The following SMARCA2 variants were observed in gnomAD, a reference collection of about 807,000 sequenced individuals.
The protein encoded by SMARCA2 is SWI/SNF related BAF chromatin remodeling complex subunit ATPase 2.
SMARCA2 carries 61 observed loss-of-function variants against 199.8 expected under a neutral mutation model. That is an observed-to-expected ratio of 0.31 (90% CI 0.25 to 0.38). The LOEUF is 0.38. Among genes scored for constraint, SMARCA2 ranks in the 10% least tolerant of loss-of-function variants. SMARCA2 has a pLI of 1.00. For missense variants in SMARCA2, 1,344 were observed against 2,012.2 expected (o/e 0.67, Z 6.35); for synonymous variants, 935 against 732.0 (o/e 1.28, Z -4.48).
intron 5 of SMARCA2, 67 bp downstream of exon 5, chr9:2,047,551 G>T: frequency 1.6e-6 from 2 of 1,231,356 alleles, no homozygotes; most frequent in Non-Finnish European, 2.1e-6. Context: ...GCCGAGGGGG[G>T]TGAGGCGCCT....
intron 23 of SMARCA2, among the ~76,000 whole-genome samples, chr9:2,107,913 A>T (rs1822832148): frequency 6.6e-6 from 1 of 152,200 alleles, no homozygotes; most frequent in Non-Finnish European, 1.5e-5. Flanking sequence ...TAAAGATGGA[A>T]GAACAGCCCT....
intron 22 of SMARCA2, among the ~76,000 whole-genome samples, chr9:2,103,074 G>A (rs1400612306): frequency 1.3e-5 from 2 of 150,644 alleles, no homozygotes; most frequent in South Asian, 2.1e-4. Context: ...CAGTGCCCCC[G>A]TTCTTCACCT....
At chr9:2,149,930 A>G (rs1395185435) in intron 27 of SMARCA2, among the ~76,000 whole-genome samples, 1 of 151,568 alleles carries the variant, frequency 6.6e-6, no homozygotes, top group African/African-American at 2.4e-5. Context: ...TACAGACTAG[A>G]TCTGAAATGA....
chr9:2,089,415 C>G (rs1199297489), intron 19 of SMARCA2, among the ~76,000 whole-genome samples: 1 of 151,988 alleles, frequency 6.6e-6, no homozygotes, highest in African/African-American at 2.4e-5. Context: ...TTAGAAGAGC[C>G]AATTCTGAAA....
At chr9:2,087,759 C>T (rs936711175) in intron 18 of SMARCA2, among the ~76,000 whole-genome samples, 6 of 152,138 alleles carry the variant, frequency 3.9e-5, no homozygotes, top group African/African-American at 1.4e-4. Flanking sequence ...AATGAAAAGC[C>T]ACTAAAAATG....
chr9:2,161,846 C>A lies in SMARCA2; in HGVS notation c.4142C>A (p.Pro1381His). 2 of 1,614,092 alleles carry A rather than the reference C, an allele frequency of 1.2e-6. No homozygotes were observed. Among genetic ancestry groups the A allele is most frequent in the Non-Finnish European group, 1.7e-6 (2 of 1,179,974 alleles). The change falls in exon 28 of 34, where the codon CCC becomes CAC. Residue 1381 changes from proline to histidine, a missense_variant. By Grantham distance (77) the Pro-to-His change is moderately conservative. This residue lies in a region of SMARCA2 where 151 missense variants were observed against 154.0 expected (regional missense o/e 0.98). Transcript: ENST00000349721. The surrounding 1 kb of genome is among the most constrained non-coding windows in gnomAD (Gnocchi z 4.7). ...PPAEKLSPNP[P>H]KLTKQMNAII... is the part of the protein sequence containing the mutation. The stretch of plus-strand genomic sequence containing the variant: ...GCTGAGAAACTGTCACCAAATCCCC[C>A]CAAACTGACAAAGCAGATGAACGCT...
chr9:2,162,326 T>C (rs1021822896), intron 28 of SMARCA2, among the ~76,000 whole-genome samples: 2 of 152,194 alleles, frequency 1.3e-5, no homozygotes, highest in East Asian at 1.9e-4. Flanking sequence ...TAAAGCAAAA[T>C]AGATGCTTCA....
chr9:2,058,196 A>C, intron 7 of SMARCA2, 95 bp from the exon 8 acceptor site: 1 of 1,064,772 alleles, frequency 9.4e-7, no homozygotes, highest in South Asian at 1.4e-5. Context: ...GCTGTTAAAC[A>C]CACACTGAGA....
intron 27 of SMARCA2, chr9:2,158,756 A>G: frequency 2.2e-6 from 1 of 463,680 alleles, no homozygotes; most frequent in Non-Finnish European, 3.8e-6. Context: ...TAAAATCTCC[A>G]TGAATAATTT....
At chr9:2,108,522 T>A (rs1418893459) in intron 23 of SMARCA2, among the ~76,000 whole-genome samples, 2 of 152,210 alleles carry the variant, frequency 1.3e-5, no homozygotes, top group Non-Finnish European at 2.9e-5. Context: ...AGAGTATAGA[T>A]GTATAGTTTT....
At chr9:2,038,264 T>G (rs963109667) in intron 3 of SMARCA2, among the ~76,000 whole-genome samples, 3 of 152,228 alleles carry the variant, frequency 2.0e-5, no homozygotes, top group Non-Finnish European at 4.4e-5. Context: ...AGCCTCATTT[T>G]CCTCATTTTA....
At position 2,039,092 on chromosome 9, in the gene SMARCA2, T is replaced by A. The variant is rs1343225406; in HGVS notation, c.356-374T>A. The stretch of plus-strand genomic sequence containing the variant: ...GGTTAGTTCGAATTGAGATGTCCTT[T>A]AAGTGTAAAATATTTAGTGGATTTC... On this transcript the variant is annotated intron_variant, in intron 3 of 33. Coordinates refer to ENST00000349721, the MANE Select transcript of SMARCA2 (RefSeq NM_003070.5). This position sits in a 1 kb window ranked among gnomAD's most constrained non-coding sequence, Gnocchi z 4.8. 6.6e-6 allele frequency among the ~76,000 whole-genome samples: 1 copy of A among 152,220 alleles called. No homozygotes were observed. The highest frequency in any genetic ancestry group is 2.1e-4 in the South Asian group (1 of 4,834).
intron 5 of SMARCA2, 174 bp downstream of exon 5, chr9:2,047,658 G>C (rs1819930930): frequency 1.3e-6 from 1 of 750,582 alleles, no homozygotes; most frequent in Non-Finnish European, 1.8e-6. Context: ...AGGCACCGGG[G>C]TTTTGAAGAT....
rs1351509614 is a variant in SMARCA2 at position 2,087,077 on chromosome 9, G to T, written c.2769+6G>T. On this transcript the variant is annotated splice_donor_region_variant and intron_variant, in intron 18 of 33. Transcript: ENST00000349721. ...TTGCCATGACTGGTGAAAGGGTACT[G>T]GTCTGAGTTCTGTTTTTTCCACTGC... is the stretch of plus-strand genomic sequence containing the variant. The T allele has an allele frequency of 6.2e-7, 1 of 1,613,798 alleles. No homozygotes were observed. Among genetic ancestry groups the T allele is most frequent in the African/African-American group, 1.3e-5 (1 of 74,884 alleles).
chr9:2,029,120 C>T lies in SMARCA2; in HGVS notation c.98C>T (p.Pro33Leu). ...PGPILGPSPG[P>L]GPSPGSVHSM... ...CCAATTCTTGGGCCTAGTCCAGGACCAGGACCATCCCCAGGTTCCGTCCAC... is the reference window on the plus strand; with the variant it reads ...CCAATTCTTGGGCCTAGTCCAGGACTAGGACCATCCCCAGGTTCCGTCCAC... Residue 33 changes from proline to leucine, a missense_variant, in exon 2 of 34, where the codon CCA (proline) becomes CTA (leucine). Transcript: ENST00000349721. 2.5e-6 allele frequency: 4 copies of T among 1,606,434 alleles called. No homozygotes were observed. Among genetic ancestry groups the T allele is most frequent in the Non-Finnish European group, 2.6e-6 (3 of 1,175,978 alleles).
rs1828027010 is a variant in SMARCA2 at position 2,193,378 on chromosome 9, A to G, written c.*639A>G. ...TTTTTTTGCTCTTGATTTAAAAAAA[A>G]GTTTTGTTGAAAGCGCTATTGAATA... is the stretch of plus-strand genomic sequence containing the variant. On this transcript the variant is annotated 3_prime_UTR_variant, in exon 34 of 34. Transcript: ENST00000349721. 1 of 152,634 alleles carries G rather than the reference A, an allele frequency of 6.6e-6. No individual in the cohort carries two copies. Among genetic ancestry groups the G allele is most frequent in the African/African-American group, 2.4e-5 (1 of 41,426 alleles). The allele number at this position is 152,634 out of a possible 1,614,324, so 9.5% of individuals were successfully genotyped here. A position where few individuals can be genotyped will look rare whatever the true frequency, so the allele number is the denominator to read the frequency against.
At chr9:2,107,225 TATG>T (rs1822793199) in intron 23 of SMARCA2, among the ~76,000 whole-genome samples, 1 of 152,334 alleles carries the variant, frequency 6.6e-6, no homozygotes, top group South Asian at 2.1e-4. Flanking sequence ...TTGCAAACCT[TATG>T]ATAAGAAATG....
chr9:2,175,567 G>A (rs1305407330), intron 29 of SMARCA2, among the ~76,000 whole-genome samples: 2 of 152,226 alleles, frequency 1.3e-5, no homozygotes, highest in African/African-American at 4.8e-5. Context: ...AAAAATAAAG[G>A]TTGGTCCTAT....
At chr9:2,084,235 C>A in intron 17 of SMARCA2, 39 bp downstream of exon 17, 1 of 1,055,398 alleles carries the variant, frequency 9.5e-7, no homozygotes, top group Non-Finnish European at 1.4e-6. Flanking sequence ...TAATTAGGAC[C>A]ATTGCACTGG....
Sources: gnomAD v4.1 joint callset for allele counts (sites outside exome capture counted in the v4.1 genomes callset) on GRCh38, gnomAD v4.1.1 for gene constraint, gnomAD v4.1.1 regional missense constraint, Gnocchi (gnomAD v3.1) non-coding constraint, MANE v1.5 for transcripts, NCBI Gene and HGNC (gene_info 2026-07-23, HGNC 2026-07-21) for gene names.